GRIN2A: variants seen among roughly 807,000 people sequenced by gnomAD.
GRIN2A encodes the protein glutamate receptor ionotropic, NMDA 2A.
Under a neutral mutation model 113.4 loss-of-function variants are expected in GRIN2A, and 22 were observed. The observed-to-expected ratio is 0.19, with a 90% CI of 0.14 to 0.28. GRIN2A has a LOEUF of 0.28. GRIN2A is among the 10% of genes least tolerant of loss of function. GRIN2A has a pLI of 1.00. For missense variants in GRIN2A, 1,502 were observed against 1,887.0 expected (o/e 0.80, Z 3.78); for synonymous variants, 827 against 738.4 (o/e 1.12, Z -1.94).
At chr16:9,924,128 A>AAC (rs1567178401) in intron 3 of GRIN2A, among the ~76,000 whole-genome samples, 11 of 144,562 alleles carry the variant, frequency 7.6e-5, no homozygotes, top group African/African-American at 2.7e-4. Flanking sequence ...AAAAAAAAAA[A>AAC]AAAAAAAAAA....
intron 11 of GRIN2A, among the ~76,000 whole-genome samples, chr16:9,796,860 T>A (rs2267790): frequency 2.6e-5 from 4 of 152,198 alleles, no homozygotes; most frequent in African/African-American, 7.2e-5. Flanking sequence ...AGCAAAAAGC[T>A]GACCAACACA....
chr16:9,807,625 A>G (rs1409274102), intron 10 of GRIN2A, among the ~76,000 whole-genome samples: 1 of 152,158 alleles, frequency 6.6e-6, no homozygotes. Flanking sequence ...GAGTTGAGAC[A>G]GTATGTAATC....
intron 2 of GRIN2A, among the ~76,000 whole-genome samples, chr16:10,019,073 A>AAACT (rs1267513423): frequency 6.7e-6 from 1 of 149,110 alleles, no homozygotes; most frequent in African/African-American, 2.5e-5. Flanking sequence ...AAAAAAAAAA[A>AAACT]ACTGAATCCC....
At chr16:10,147,455 CAAAAA>C (rs367830700) in intron 2 of GRIN2A, among the ~76,000 whole-genome samples, 10 of 72,918 alleles carry the variant, frequency 1.4e-4, no homozygotes, top group Middle Eastern at 0.023. Flanking sequence ...ACTAAAAATA[CAAAAA>C]AAAAAAAAAA....
intron 4 of GRIN2A, among the ~76,000 whole-genome samples, chr16:9,881,504 CAT>C (rs1243714588): frequency 6.6e-6 from 1 of 152,134 alleles, no homozygotes; most frequent in African/African-American, 2.4e-5. Flanking sequence ...ATGCTGATTC[CAT>C]AGACTTGAGG....
chr16:10,180,797 T>C lies in GRIN2A; in HGVS notation c.-18-368A>G, dbSNP rs929464303. On this transcript the variant is annotated intron_variant, in intron 1 of 12. Transcript: ENST00000330684. This position sits in a 1 kb window ranked among gnomAD's most constrained non-coding sequence, Gnocchi z 7.0. Reference sequence around the variant, plus strand: ...GCGCGTGTTCTGTACCCCACCAAGCTCCTAGGTGCACAGAATAAACCCTCC... The same window carrying C: ...GCGCGTGTTCTGTACCCCACCAAGCCCCTAGGTGCACAGAATAAACCCTCC... 2.9e-5 allele frequency: 11 copies of C among 382,386 alleles called. No homozygotes were observed. The highest frequency in any genetic ancestry group is 4.9e-5 in the Non-Finnish European group (10 of 202,782). The allele number at this position is 382,386 out of a possible 1,614,324, so 23.7% of individuals were successfully genotyped here.
At chr16:9,929,181 C>T (rs138308719) in intron 3 of GRIN2A, among the ~76,000 whole-genome samples, 2,621 of 152,330 alleles carry the variant, frequency 0.017, 33 homozygotes, top group Middle Eastern at 0.034. Context: ...CTTGCCCAGT[C>T]GTAGGGCTTT....
chr16:10,043,766 G>A (rs2047207032), intron 2 of GRIN2A, among the ~76,000 whole-genome samples: 1 of 151,834 alleles, frequency 6.6e-6, no homozygotes, highest in African/African-American at 2.4e-5. Flanking sequence ...TCAAACTCCT[G>A]TGCCAAATAC....
chr16:10,111,318 A>AGCTGCG (rs1264341958), intron 2 of GRIN2A: 1 of 384,996 alleles, frequency 2.6e-6, no homozygotes, highest in Non-Finnish European at 5.0e-6. Flanking sequence ...CAGCGTCAGC[A>AGCTGCG]GCAGCGGCAG....
intron 2 of GRIN2A, among the ~76,000 whole-genome samples, chr16:10,071,465 T>G (rs1157578646): frequency 5.3e-5 from 8 of 152,192 alleles, no homozygotes; most frequent in Non-Finnish European, 8.8e-5. Context: ...TCTCTTCTGG[T>G]TGTCCTGATT....
chr16:10,076,208 A>T (rs561664166), intron 2 of GRIN2A, among the ~76,000 whole-genome samples: 4 of 152,270 alleles, frequency 2.6e-5, no homozygotes, highest in African/African-American at 9.6e-5. Context: ...TCACTGGTGC[A>T]AAGTCTGTCC....
intron 2 of GRIN2A, chr16:10,112,809 G>C (rs950293172): frequency 2.1e-5 from 14 of 661,496 alleles, no homozygotes; most frequent in Non-Finnish European, 4.0e-5. Context: ...GCTCAAATTT[G>C]AGAAGTGGAC....
chr16:9,848,177 A>G (rs906580686), intron 5 of GRIN2A, among the ~76,000 whole-genome samples: 4 of 149,256 alleles, frequency 2.7e-5, no homozygotes, highest in Admixed American at 6.7e-5. Flanking sequence ...ATATATCTCA[A>G]TATATAAAAA....
chr16:10,138,265 A>G (rs2049244433), intron 2 of GRIN2A, among the ~76,000 whole-genome samples: 1 of 152,178 alleles, frequency 6.6e-6, no homozygotes, highest in East Asian at 1.9e-4. Flanking sequence ...TCACTATTCA[A>G]CTGTGAGACT....
intron 12 of GRIN2A, among the ~76,000 whole-genome samples, chr16:9,766,342 C>G (rs1900921037): frequency 6.6e-6 from 1 of 152,194 alleles, no homozygotes; most frequent in Non-Finnish European, 1.5e-5. Flanking sequence ...GTGACAGCCT[C>G]AACTCATTTT....
intron 3 of GRIN2A, among the ~76,000 whole-genome samples, chr16:9,925,180 A>C (rs1345668162): frequency 6.6e-6 from 1 of 152,108 alleles, no homozygotes; most frequent in East Asian, 1.9e-4. Context: ...ATCTTTTCAA[A>C]TTTTGCTTTT....
At chr16:9,918,079 C>A (rs749962407) in intron 3 of GRIN2A, among the ~76,000 whole-genome samples, 2 of 152,290 alleles carry the variant, frequency 1.3e-5, no homozygotes, top group African/African-American at 2.4e-5. Context: ...GTTTTACATG[C>A]TTTATTTAAT....
At chr16:10,088,611 T>A (rs762533489) in intron 2 of GRIN2A, among the ~76,000 whole-genome samples, 10 of 152,234 alleles carry the variant, frequency 6.6e-5, no homozygotes, top group Non-Finnish European at 2.9e-5. Context: ...AATTTGTGTG[T>A]CCAATTTCAA....
At chr16:9,875,940 C>G (rs1179114369) in intron 4 of GRIN2A, among the ~76,000 whole-genome samples, 1 of 152,126 alleles carries the variant, frequency 6.6e-6, no homozygotes, top group Non-Finnish European at 1.5e-5. Context: ...ATTTCCCTGT[C>G]CCTCCCACTA....
Sources: gnomAD v4.1 joint callset for allele counts (sites outside exome capture counted in the v4.1 genomes callset) on GRCh38, gnomAD v4.1.1 for gene constraint, Gnocchi (gnomAD v3.1) non-coding constraint, MANE v1.5 for transcripts, NCBI Gene and HGNC (gene_info 2026-07-23, HGNC 2026-07-21) for gene names.